The following ANKRD7 variants were observed in gnomAD, a reference collection of about 807,000 sequenced individuals.
ANKRD7 encodes ankyrin repeat domain 7.
Under a neutral mutation model 30.8 loss-of-function variants are expected in ANKRD7, and 30 were observed. The observed-to-expected ratio is 0.97, with a 90% CI of 0.73 to 1.32. The LOEUF is 1.32. ANKRD7 is among the 40% of genes most tolerant of loss of function. ANKRD7 has a pLI of 0.00. For missense variants in ANKRD7, 264 were observed against 295.7 expected, an observed-to-expected ratio of 0.89 and a Z score of 0.79; for synonymous variants, 97 against 106.6, an observed-to-expected ratio of 0.91 and a Z score of 0.55.
intron 5 of ANKRD7, among the ~76,000 whole-genome samples, chr7:118,238,601 C>G (rs558574828): frequency 2.6e-5 from 4 of 152,170 alleles, no homozygotes; most frequent in African/African-American, 9.7e-5. Context: ...AAAGTGGAAG[C>G]ATAGACAATA....
At chr7:118,232,840 G>C (rs1809664553) in intron 1 of ANKRD7, among the ~76,000 whole-genome samples, 1 of 151,908 alleles carries the variant, frequency 6.6e-6, no homozygotes, top group African/African-American at 2.4e-5. Context: ...AAGTTCCTTG[G>C]AACTAAATTC....
At chr7:118,231,157 G>A (rs975416796) in intron 1 of ANKRD7, among the ~76,000 whole-genome samples, 1 of 151,980 alleles carries the variant, frequency 6.6e-6, no homozygotes, top group Non-Finnish European at 1.5e-5. Context: ...GCTACTACTC[G>A]ATTAGTGTTT....
chr7:118,227,771 G>A (rs1485580851), intron 1 of ANKRD7, among the ~76,000 whole-genome samples: 3 of 152,176 alleles, frequency 2.0e-5, no homozygotes, highest in Admixed American at 6.5e-5. Flanking sequence ...TGTACTATCA[G>A]TGGCTGCCTT....
At chr7:118,240,689 TATC>T (rs1809817508) in intron 6 of ANKRD7, among the ~76,000 whole-genome samples, 1 of 152,152 alleles carries the variant, frequency 6.6e-6, no homozygotes, top group South Asian at 2.1e-4. Flanking sequence ...GATGAAAAAC[TATC>T]ATAAAAATTT....
At chr7:118,228,455 T>C (rs1341892683) in intron 1 of ANKRD7, among the ~76,000 whole-genome samples, 1 of 152,010 alleles carries the variant, frequency 6.6e-6, no homozygotes, top group African/African-American at 2.4e-5. Context: ...AGTTTATAAA[T>C]TGTGGCCAAT....
At chr7:118,234,994 T>C (rs1011252755) in intron 3 of ANKRD7, 120 bp downstream of exon 3, 13 of 817,606 alleles carry the variant, frequency 1.6e-5, no homozygotes, top group South Asian at 1.2e-4. Context: ...CAAACTAAAA[T>C]TGGGGAGAAA....
At chr7:118,229,499 T>C (rs1002603877) in intron 1 of ANKRD7, among the ~76,000 whole-genome samples, 1 of 152,148 alleles carries the variant, frequency 6.6e-6, no homozygotes, top group African/African-American at 2.4e-5. Context: ...GAGCGCTTAA[T>C]ATTTTTAAAA....
chr7:118,225,919 G>A (rs902289472), intron 1 of ANKRD7, among the ~76,000 whole-genome samples: 4 of 151,966 alleles, frequency 2.6e-5, no homozygotes, highest in African/African-American at 7.3e-5. Flanking sequence ...CTGTATAAAC[G>A]TGTCAGATTC....
At chr7:118,227,887 C>T in intron 1 of ANKRD7, 1 of 1,340,546 alleles carries the variant, frequency 7.5e-7, no homozygotes, top group Non-Finnish European at 9.8e-7. Flanking sequence ...TTGTATTTAG[C>T]TTATTGATAG....
intron 4 of ANKRD7, among the ~76,000 whole-genome samples, chr7:118,236,522 T>C (rs1311399141): frequency 1.3e-5 from 2 of 152,166 alleles, no homozygotes; most frequent in Admixed American, 6.5e-5. Flanking sequence ...TTTTGAGACA[T>C]ATTTTTGAAA....
At chr7:118,228,969 A>G (rs1584721627) in intron 1 of ANKRD7, among the ~76,000 whole-genome samples, 1 of 152,086 alleles carries the variant, frequency 6.6e-6, no homozygotes, top group Admixed American at 6.6e-5. Context: ...ATCACTTTCC[A>G]TCTTACTAGG....
At chr7:118,230,279 G>A (rs1809612240) in intron 1 of ANKRD7, among the ~76,000 whole-genome samples, 1 of 151,880 alleles carries the variant, frequency 6.6e-6, no homozygotes, top group Non-Finnish European at 1.5e-5. Context: ...TAGACACTAG[G>A]GACTCCAAAT....
intron 4 of ANKRD7, 30 bp downstream of exon 4, chr7:118,236,177 C>G: frequency 7.8e-7 from 1 of 1,288,962 alleles, no homozygotes; most frequent in Non-Finnish European, 1.1e-6. Context: ...TAGCACATAA[C>G]TAAAGCTACC....
intron 1 of ANKRD7, among the ~76,000 whole-genome samples, chr7:118,228,165 C>G (rs371361726): frequency 6.6e-6 from 1 of 152,106 alleles, no homozygotes; most frequent in African/African-American, 2.4e-5. Context: ...TTTTGAGACT[C>G]TTTTGCTGGT....
intron 1 of ANKRD7, among the ~76,000 whole-genome samples, chr7:118,226,452 A>G (rs1809543527): frequency 6.6e-6 from 1 of 152,236 alleles, no homozygotes. Flanking sequence ...AAGTGTTACC[A>G]ACAGCATAAA....
intron 1 of ANKRD7, among the ~76,000 whole-genome samples, chr7:118,231,419 C>G (rs1809636531): frequency 1.3e-5 from 2 of 151,966 alleles, no homozygotes; most frequent in South Asian, 4.1e-4. Flanking sequence ...TAAATTAATA[C>G]CTTCAACCAT....
At chr7:118,240,880 C>T (rs887992453) in intron 6 of ANKRD7, among the ~76,000 whole-genome samples, 4 of 151,978 alleles carry the variant, frequency 2.6e-5, no homozygotes, top group South Asian at 2.1e-4. Context: ...ATTGGCCGGG[C>T]GCGGTGGCTC....
intron 1 of ANKRD7, among the ~76,000 whole-genome samples, chr7:118,233,095 A>G (rs1340968016): frequency 1.3e-5 from 2 of 152,114 alleles, no homozygotes; most frequent in Non-Finnish European, 2.9e-5. Flanking sequence ...GTCATCAGAA[A>G]TTTGCTTGGT....
intron 6 of ANKRD7, among the ~76,000 whole-genome samples, chr7:118,240,419 T>G (rs1809810957): frequency 6.6e-6 from 1 of 152,146 alleles, no homozygotes; most frequent in African/African-American, 2.4e-5. Flanking sequence ...GGTGTTTGGT[T>G]TTTTGTTCTT....
Sources: gnomAD v4.1 joint callset for allele counts (sites outside exome capture counted in the v4.1 genomes callset) on GRCh38, gnomAD v4.1.1 for gene constraint, MANE v1.5 for transcripts, NCBI Gene and HGNC (gene_info 2026-07-23, HGNC 2026-07-21) for gene names.